TLN2: variants seen among roughly 807,000 people sequenced by gnomAD.
TLN2 encodes talin 2.
Under a neutral mutation model 294.7 loss-of-function variants are expected in TLN2, and 118 were observed. The observed-to-expected ratio is 0.40, with a 90% CI of 0.34 to 0.47. The LOEUF is 0.47. Ranked by LOEUF, TLN2 falls within the 20% of genes least tolerant of loss-of-function variation. TLN2 has a pLI of 0.84. For missense variants in TLN2, 3,083 were observed against 3,282.2 expected (o/e 0.94, Z 1.48); for synonymous variants, 1,431 against 1,304.5 (o/e 1.10, Z -2.09).
At chr15:62,501,457 T>A (rs2039301792) in intron 1 of TLN2, among the ~76,000 whole-genome samples, 1 of 152,172 alleles carries the variant, frequency 6.6e-6, no homozygotes. Flanking sequence ...TCCCACAAGG[T>A]TGCTGGATAC....
intron 2 of TLN2, among the ~76,000 whole-genome samples, chr15:62,610,187 C>CT (rs1265670321): frequency 6.6e-6 from 1 of 152,224 alleles, no homozygotes; most frequent in African/African-American, 2.4e-5. Flanking sequence ...TCATCCTAGA[C>CT]TACCTCAGTG....
intron 1 of TLN2, among the ~76,000 whole-genome samples, chr15:62,419,979 C>T (rs1049987492): frequency 6.6e-6 from 1 of 152,222 alleles, no homozygotes; most frequent in Non-Finnish European, 1.5e-5. Context: ...AGGTTTACTT[C>T]CTCAAAGATG....
Position 62,653,333 on chromosome 15 carries a change from A to C in TLN2, c.517+19A>C. On this transcript the variant is annotated intron_variant, in intron 7 of 58. Transcript: ENST00000636159. The stretch of plus-strand genomic sequence containing the variant: ...GATGACCGTAAGTGTTTGCAGAGGA[A>C]GCATGATACAGACACACAGGCTTTG... 1 of 1,602,776 alleles carries C rather than the reference A, an allele frequency of 6.2e-7. No homozygotes were observed. The highest frequency in any genetic ancestry group is 8.5e-7 in the Non-Finnish European group (1 of 1,175,438).
intron 1 of TLN2, among the ~76,000 whole-genome samples, chr15:62,511,059 C>G (rs1479969560): frequency 6.6e-6 from 1 of 152,246 alleles, no homozygotes; most frequent in African/African-American, 2.4e-5. Flanking sequence ...GGCTCTACAG[C>G]TAAGTCGTCT....
chr15:62,738,643 G>T (rs1322896694), intron 30 of TLN2, among the ~76,000 whole-genome samples: 1 of 152,200 alleles, frequency 6.6e-6, no homozygotes. Flanking sequence ...ACAGTCAGGT[G>T]TTGGAAGGGT....
intron 1 of TLN2, among the ~76,000 whole-genome samples, chr15:62,507,285 C>T (rs1038635217): frequency 1.3e-5 from 2 of 152,170 alleles, no homozygotes; most frequent in African/African-American, 4.8e-5. Context: ...AGTTATCAGT[C>T]AGCACAATTT....
At chr15:62,749,879 A>G (rs964935702) in intron 33 of TLN2, among the ~76,000 whole-genome samples, 1 of 152,210 alleles carries the variant, frequency 6.6e-6, no homozygotes, top group Admixed American at 6.5e-5. Flanking sequence ...AACGTTTTCT[A>G]TACTGTTTAA....
At chr15:62,835,219 C>G (rs2069371102) in intron 55 of TLN2, 1 of 154,642 alleles carries the variant, frequency 6.5e-6, no homozygotes. Context: ...CCACCCCTGA[C>G]AAATGGTATT....
intron 1 of TLN2, among the ~76,000 whole-genome samples, chr15:62,533,877 A>C (rs1256811426): frequency 7.2e-5 from 11 of 152,126 alleles, no homozygotes; most frequent in African/African-American, 2.4e-4. Flanking sequence ...CATGCATCCC[A>C]TCTGGTAGCT....
chr15:62,464,056 T>C (rs1490355173), intron 1 of TLN2, among the ~76,000 whole-genome samples: 3 of 152,192 alleles, frequency 2.0e-5, no homozygotes, highest in Non-Finnish European at 4.4e-5. Context: ...AGCATTTGAC[T>C]CAGCAATCCC....
chr15:62,418,177 C>T (rs1246244441), intron 1 of TLN2, among the ~76,000 whole-genome samples: 6 of 152,156 alleles, frequency 3.9e-5, no homozygotes, highest in Non-Finnish European at 1.5e-5. Flanking sequence ...ATGTTGTATG[C>T]TGGGTGCAGT....
At chr15:62,826,921 T>A (rs1280462851) in intron 54 of TLN2, among the ~76,000 whole-genome samples, 2 of 152,160 alleles carry the variant, frequency 1.3e-5, no homozygotes, top group Non-Finnish European at 2.9e-5. Flanking sequence ...GACCTTATTT[T>A]TAGTAGCAGG....
intron 20 of TLN2, 90 bp downstream of exon 20, chr15:62,707,343 T>C: frequency 7.0e-7 from 1 of 1,421,502 alleles, no homozygotes. Context: ...GGGCAGAATT[T>C]GTTTAAATAG....
chr15:62,392,538 G>A (rs748834917), intron 1 of TLN2, among the ~76,000 whole-genome samples: 14 of 152,178 alleles, frequency 9.2e-5, no homozygotes, highest in Non-Finnish European at 1.6e-4. Flanking sequence ...AGGGGGAAGC[G>A]GGAGTGGGGA....
At position 62,721,198 on chromosome 15, in the gene TLN2, C is replaced by A. The variant is rs966084278; in HGVS notation, c.2992-1155C>A. Among the ~76,000 whole-genome samples the A allele has an allele frequency of 3.9e-5, 6 of 152,210 alleles. No homozygotes were observed. The South Asian group carries it at 1.2e-3, about 32-fold the overall frequency. Reference sequence around the variant, plus strand: ...ATAAATAGAAATTGAATTGACAGATCAAAAAGTTTGTACATTTTAAACTTC... The same window carrying A: ...ATAAATAGAAATTGAATTGACAGATAAAAAAGTTTGTACATTTTAAACTTC... On this transcript the variant is annotated intron_variant, in intron 25 of 58. Coordinates refer to ENST00000636159, the MANE Select transcript of TLN2 (RefSeq NM_015059.3).
intron 9 of TLN2, among the ~76,000 whole-genome samples, chr15:62,669,565 C>A (rs1211543861): frequency 6.6e-6 from 1 of 152,124 alleles, no homozygotes; most frequent in Non-Finnish European, 1.5e-5. Context: ...AAGGTGAGAA[C>A]AATTTAAGGA....
intron 55 of TLN2, 145 bp downstream of exon 55, chr15:62,833,774 G>T: frequency 8.3e-7 from 1 of 1,201,810 alleles, no homozygotes; most frequent in East Asian, 2.7e-5. Context: ...TGTGCTGACC[G>T]ACTGAAAACT....
intron 1 of TLN2, among the ~76,000 whole-genome samples, chr15:62,583,324 G>T (rs1418997005): frequency 2.0e-5 from 3 of 152,142 alleles, no homozygotes; most frequent in African/African-American, 7.2e-5. Flanking sequence ...GAGACCCTCT[G>T]TGTTGGTCTG....
Position 62,763,571 on chromosome 15 carries a change from C to T in TLN2, c.4970C>T (p.Ala1657Val). ...TGCACTATTCCTTCCAGGGACAAGG[C>T]CCCTGGACAGAGGGAGTGTGATTAC... ...KSLITSIRDK[A>V]PGQRECDYSI... Residue 1657 changes from alanine (A) to valine (V), a missense_variant, in exon 40 of 59, where the codon GCC becomes GTC. Transcript: ENST00000636159. The T allele has an allele frequency of 1.2e-6, 2 of 1,611,260 alleles. No individual in the cohort carries two copies. Among genetic ancestry groups the T allele is most frequent in the Non-Finnish European group, 1.7e-6 (2 of 1,178,210 alleles).
Sources: gnomAD v4.1 joint callset for allele counts (sites outside exome capture counted in the v4.1 genomes callset) on GRCh38, gnomAD v4.1.1 for gene constraint, MANE v1.5 for transcripts, NCBI Gene and HGNC (gene_info 2026-07-23, HGNC 2026-07-21) for gene names.